Variants in TMPRSS11B observed in about 807,000 individuals in gnomAD.
TMPRSS11B encodes transmembrane serine protease 11B, also known as transmembrane protease serine 11B.
Under a neutral mutation model 44.7 loss-of-function variants are expected in TMPRSS11B, and 53 were observed. The ratio of observed to expected loss-of-function variants is 1.19; its 90% CI spans 0.95 to 1.49. TMPRSS11B has a LOEUF of 1.49. TMPRSS11B is among the 40% of genes most tolerant of loss of function. The probability of loss-of-function intolerance (pLI) is 0.00; values close to 1 mark genes in which losing one functional copy is unlikely to be tolerated. For synonymous variants in TMPRSS11B, 140 were observed against 159.2 expected (o/e 0.88, Z 0.91); for missense variants, 526 against 494.8 (o/e 1.06, Z -0.60).
intron 1 of TMPRSS11B, among the ~76,000 whole-genome samples, chr4:68,245,168 TTTA>T (rs1368105889): frequency 6.6e-6 from 1 of 152,180 alleles, no homozygotes; most frequent in Non-Finnish European, 1.5e-5. Context: ...ATTCATATTT[TTTA>T]TTATTCCTAA....
intron 2 of TMPRSS11B, 92 bp from the exon 3 acceptor site, chr4:68,236,358 C>T (rs1719667480): frequency 1.3e-6 from 1 of 762,414 alleles, no homozygotes; most frequent in African/African-American, 1.8e-5. Flanking sequence ...TTCCACCCAG[C>T]TTTAGAAATA....
rs1311723007 is a variant in TMPRSS11B at position 68,228,858 on chromosome 4, C to T, written c.973G>A (p.Asp325Asn). Residue 325 changes from aspartate to asparagine, a missense_variant, in exon 9 of 10, where the codon GAC (aspartate) becomes AAC (asparagine). Physicochemically the swap from Asp to Asn is conservative, Grantham distance 23. Coordinates refer to ENST00000332644, the MANE Select transcript of TMPRSS11B (RefSeq NM_182502.3). The part of the protein sequence containing the change: ...NGSFPVILQE[D>N]FLKIIDNKIC... The stretch of plus-strand genomic sequence containing the variant: ...TTGTTGTCAATAATCTTCAAAAAGT[C>T]TTCTTGAAGTATCACTGGAAATGAA... 3 of 1,613,164 alleles carry T rather than the reference C, an allele frequency of 1.9e-6. No homozygotes were observed. The South Asian group carries it at 3.3e-5, about 18-fold the overall frequency.
chr4:68,239,683 C>A (rs1719769739), intron 2 of TMPRSS11B, among the ~76,000 whole-genome samples: 1 of 152,114 alleles, frequency 6.6e-6, no homozygotes, highest in African/African-American at 2.4e-5. Flanking sequence ...TTAGGATAGA[C>A]AGATTTTATT....
rs2109952575 is a variant in TMPRSS11B, at chr4:68,227,193, C to T, written c.*718G>A. ...AGTAATGTACACTTTCGCACTTATT[C>T]CAGTTAATAAAATGAAATTATAATT... On this transcript the variant is annotated 3_prime_UTR_variant, in exon 10 of 10. Coordinates refer to ENST00000332644, the MANE Select transcript of TMPRSS11B (RefSeq NM_182502.3). The T allele has an allele frequency of 6.6e-6, 1 of 152,084 alleles. No homozygotes were observed. The highest frequency in any genetic ancestry group is 2.4e-5 in the African/African-American group (1 of 41,500). The allele number at this position is 152,084 out of a possible 1,614,324, so 9.4% of individuals were successfully genotyped here.
At position 68,236,254 on chromosome 4, in the gene TMPRSS11B, T is replaced by C. The variant is rs1255342786; in HGVS notation, c.137A>G (p.Tyr46Cys). 3.1e-6 allele frequency: 5 copies of C among 1,594,264 alleles called. No homozygotes were observed. Among genetic ancestry groups the C allele is most frequent in the African/African-American group, 2.7e-5 (2 of 73,828 alleles). Residue 46 changes from tyrosine to cysteine, a missense_variant, in exon 3 of 10, where the codon TAT becomes TGT. Coordinates refer to ENST00000332644, the MANE Select transcript of TMPRSS11B (RefSeq NM_182502.3). ...AGAAATATGAAAATCACCTTGATAATAGTAAGTCTTCTCTGCAAAATTAAG... is the reference window on the plus strand; with the variant it reads ...AGAAATATGAAAATCACCTTGATAACAGTAAGTCTTCTCTGCAAAATTAAG... ...VHFLAVEKTY[Y>C]YQGDFHISGV...
rs372914568 is a variant in TMPRSS11B at position 68,231,185 on chromosome 4, T to C, written c.686+18A>G. On this transcript the variant is annotated intron_variant, in intron 7 of 9. Transcript: ENST00000332644. The stretch of plus-strand genomic sequence containing the variant: ...TTTGCACCTAGCATCCTTCATTTAG[T>C]CAAATTTTCAAACTTACTTAGCAAA... The C allele has an allele frequency of 5.7e-6, 9 of 1,591,166 alleles. No individual in the cohort carries two copies. In the South Asian group the frequency reaches 5.7e-5, roughly 10 times the overall value.
intron 1 of TMPRSS11B, among the ~76,000 whole-genome samples, chr4:68,242,325 A>ATTATAT (rs1560445619): frequency 1.6e-5 from 1 of 64,360 alleles, no homozygotes; most frequent in African/African-American, 8.0e-5. Flanking sequence ...TTATATATAT[A>ATTATAT]ATATTATATT....
At chr4:68,242,416 T>C (rs1489514651) in intron 1 of TMPRSS11B, among the ~76,000 whole-genome samples, 6 of 113,634 alleles carry the variant, frequency 5.3e-5, no homozygotes, top group Non-Finnish European at 8.4e-5. Context: ...ATATTATAAA[T>C]ACATAATATA....
Position 68,229,400 on chromosome 4 carries a change from T to G in TMPRSS11B, c.803A>C (p.His268Pro). The G allele has an allele frequency of 6.2e-7, 1 of 1,614,108 alleles. No individual in the cohort carries two copies. Among genetic ancestry groups the G allele is most frequent in the Non-Finnish European group, 8.5e-7 (1 of 1,179,980 alleles). ...FHENYSSPGL[H>P]DDIALVQLAE... ...AAGCTGCACAAGGGCAATATCATCA[T>G]GAAGCCCAGGACTGCTATAATTTTC... Residue 268 changes from histidine (H) to proline (P), a missense_variant, in exon 8 of 10, where the codon CAT (histidine) becomes CCT (proline). Physicochemically the swap from His to Pro is moderately conservative, Grantham distance 77. Coordinates refer to ENST00000332644, the MANE Select transcript of TMPRSS11B (RefSeq NM_182502.3).
intron 1 of TMPRSS11B, 81 bp downstream of exon 1, chr4:68,245,470 A>G: frequency 7.0e-7 from 1 of 1,433,876 alleles, no homozygotes; most frequent in Non-Finnish European, 9.8e-7. Flanking sequence ...AAAAACAGTC[A>G]ATTAACAAAA....
intron 2 of TMPRSS11B, among the ~76,000 whole-genome samples, chr4:68,236,935 T>C (rs1308742923): frequency 6.7e-6 from 1 of 149,900 alleles, no homozygotes; most frequent in Non-Finnish European, 1.5e-5. Flanking sequence ...ATTATTATTA[T>C]TATTATTATT....
intron 7 of TMPRSS11B, among the ~76,000 whole-genome samples, chr4:68,230,893 A>C (rs1400419389): frequency 1.3e-5 from 2 of 152,038 alleles, no homozygotes; most frequent in Non-Finnish European, 2.9e-5. Context: ...AAATGGTTTT[A>C]ACTATACCTT....
At position 68,231,237 on chromosome 4, in the gene TMPRSS11B, T is replaced by C. The variant is rs377606562; in HGVS notation, c.652A>G (p.Arg218Gly). The C allele has an allele frequency of 5.1e-5, 83 of 1,612,620 alleles. No homozygotes were observed. Among genetic ancestry groups the C allele is most frequent in the Non-Finnish European group, 6.5e-5 (77 of 1,179,670 alleles). The change falls in exon 7 of 10, where the codon AGG (arginine) becomes GGG (glycine). Residue 218 changes from arginine (R) to glycine (G), a missense_variant. By Grantham distance (125) the Arg-to-Gly change is moderately radical (BLOSUM62 -2). Transcript: ENST00000332644. ...CAGTGAGCTGCAGATAATAGCCACCTGCTGCTGATCAGAGAGGCTCCACAG... is the reference window on the plus strand; with the variant it reads ...CAGTGAGCTGCAGATAATAGCCACCCGCTGCTGATCAGAGAGGCTCCACAG... ...HYCGASLISS[R>G]WLLSAAHCFA...
In TMPRSS11B at chr4:68,229,489, G is replaced by T. The variant is rs755836993; in HGVS notation, c.714C>A (p.Val238=). 9 of 1,612,618 alleles carry T rather than the reference G, an allele frequency of 5.6e-6. No homozygotes were observed. In the South Asian group the frequency reaches 9.9e-5, roughly 18 times the overall value. The change falls in exon 8 of 10, where the codon GTC becomes GTA. Residue 238 remains valine (V), a synonymous_variant. Transcript: ENST00000332644. ...AKKNNSKDWT[V]NFGIVVNKPY... ...GTTTATTTACTACAATTCCAAAGTTGACAGTCCAATCTTTTGAATTATTTT... is the reference window on the plus strand; with the variant it reads ...GTTTATTTACTACAATTCCAAAGTTTACAGTCCAATCTTTTGAATTATTTT...
Position 68,242,316 on chromosome 4 carries a change from T to A in TMPRSS11B, c.9-512A>T, listed in dbSNP as rs1360674552. Among the ~76,000 whole-genome samples, 59 of 74,276 alleles carry A rather than the reference T, an allele frequency of 7.9e-4. 1 individual carries two copies. Among genetic ancestry groups the A allele is most frequent in the Non-Finnish European group, 1.1e-3 (49 of 44,032 alleles). 48.7% of individuals were successfully genotyped at this position (74,276 alleles called of 152,430 possible). A position where few individuals can be genotyped will look rare whatever the true frequency, so the allele number is the denominator to read the frequency against. On this transcript the variant is annotated intron_variant, in intron 1 of 9. Coordinates refer to ENST00000332644, the MANE Select transcript of TMPRSS11B (RefSeq NM_182502.3). ...ATACATAATATAATATATATAATAT[T>A]ATATATATAATATTATATTATATAT...
rs771658020 is a variant in TMPRSS11B at position 68,228,835 on chromosome 4, G to A, written c.996C>T (p.Asn332=). 3 of 1,613,780 alleles carry A rather than the reference G, an allele frequency of 1.9e-6. No individual in the cohort carries two copies. The highest frequency in any genetic ancestry group is 2.2e-5 in the East Asian group (1 of 44,852). Residue 332 remains asparagine (N), a synonymous_variant, in exon 9 of 10, where the codon AAC becomes AAT. Coordinates refer to ENST00000332644, the MANE Select transcript of TMPRSS11B (RefSeq NM_182502.3). ...LQEDFLKIID[N]KICNASYAYS... is the part of the protein sequence containing the mutation. Reference sequence around the variant, plus strand: ...ATGCATATGAGGCATTGCAAATTTTGTTGTCAATAATCTTCAAAAAGTCTT... The same window carrying A: ...ATGCATATGAGGCATTGCAAATTTTATTGTCAATAATCTTCAAAAAGTCTT...
chr4:68,228,087 G>A lies in TMPRSS11B; in HGVS notation c.1090-15C>T, dbSNP rs1238557907. On this transcript the variant is annotated splice_polypyrimidine_tract_variant and intron_variant, in intron 9 of 9. Transcript: ENST00000332644. ...CCAGAATCATTCTAGAAGAAGAAAAGAAAAAAATGTTTCTTGTCTTAACAA... is the reference window on the plus strand; with the variant it reads ...CCAGAATCATTCTAGAAGAAGAAAAAAAAAAAATGTTTCTTGTCTTAACAA... The A allele has an allele frequency of 5.1e-6, 8 of 1,581,386 alleles. No individual in the cohort carries two copies. In the Admixed American group the frequency reaches 7.8e-5, roughly 15 times the overall value.
At chr4:68,234,171 A>C (rs947284460) in intron 5 of TMPRSS11B, among the ~76,000 whole-genome samples, 14 of 151,876 alleles carry the variant, frequency 9.2e-5, no homozygotes, top group African/African-American at 2.9e-4. Flanking sequence ...AAAAAAAAAA[A>C]CAAGAAGATA....
chr4:68,236,156 T>A lies in TMPRSS11B; in HGVS notation c.235A>T (p.Thr79Ser). The A allele has an allele frequency of 6.2e-7, 1 of 1,604,042 alleles. No homozygotes were observed. The highest frequency in any genetic ancestry group is 8.5e-7 in the Non-Finnish European group (1 of 1,174,892). ...ASTNLSKDIETKMLNAFQNSS... is the reference protein window; with the variant it reads ...ASTNLSKDIESKMLNAFQNSS... Reference sequence around the variant, plus strand: ...TTTAAAAATCTCTGATTTACCTTAGTCTCAATATCTTTGCTTAGATTTGTG... The same window carrying A: ...TTTAAAAATCTCTGATTTACCTTAGACTCAATATCTTTGCTTAGATTTGTG... The change falls in exon 3 of 10, where the codon ACT becomes TCT. Residue 79 changes from threonine to serine, a missense_variant. Physicochemically the swap from Thr to Ser is moderately conservative, Grantham distance 58. Transcript: ENST00000332644.
Sources: allele counts gnomAD v4.1 joint callset (sites outside exome capture counted in the v4.1 genomes callset), GRCh38; gene constraint gnomAD v4.1.1; transcripts MANE v1.5; gene names NCBI Gene and HGNC (gene_info 2026-07-23, HGNC 2026-07-21).